OTUD3: variants seen among roughly 807,000 people sequenced by gnomAD.
The protein encoded by OTUD3 is OTU deubiquitinase 3, also known as OTU domain-containing protein 3.
OTUD3 carries 24 observed loss-of-function variants against 46.2 expected under a neutral mutation model. The observed-to-expected ratio is 0.52, with a 90% confidence interval of 0.38 to 0.73. OTUD3 has a LOEUF of 0.73. Among genes scored for constraint, OTUD3 ranks in the 30% least tolerant of loss-of-function variants. The pLI is 0.00. For synonymous variants in OTUD3, 189 were observed against 195.4 expected, an observed-to-expected ratio of 0.97 and a Z score of 0.27; for missense variants, 455 against 523.3, an observed-to-expected ratio of 0.87 and a Z score of 1.27.
intron 1 of OTUD3, among the ~76,000 whole-genome samples, chr1:19,889,778 AG>A (rs1431510096): frequency 1.3e-5 from 2 of 152,240 alleles, no homozygotes; most frequent in African/African-American, 2.4e-5. Flanking sequence ...GGAGGCAAGG[AG>A]GAAGTGTCTT....
intron 4 of OTUD3, among the ~76,000 whole-genome samples, chr1:19,903,845 G>A (rs935217371): frequency 7.9e-5 from 12 of 152,210 alleles, no homozygotes; most frequent in Non-Finnish European, 1.8e-4. Flanking sequence ...GGGAACCAGA[G>A]GGAAGTTGTA....
intron 2 of OTUD3, 112 bp from the exon 3 acceptor site, chr1:19,894,256 C>T: frequency 1.7e-6 from 1 of 591,864 alleles, no homozygotes; most frequent in Non-Finnish European, 3.0e-6. Flanking sequence ...ATGGACTTCT[C>T]AGATATATAT....
Position 19,882,417 on chromosome 1 carries a change from C to G in OTUD3, c.-97C>G. On this transcript the variant is annotated 5_prime_UTR_variant, in exon 1 of 8. Coordinates refer to ENST00000375120, the MANE Select transcript of OTUD3 (RefSeq NM_015207.2). ...GTTGCTGCGTAGTCGTCGCCGGGCT[C>G]CGTTGCCCGCGCTGTTTTACCTTCC... 1 of 1,299,072 alleles carries G rather than the reference C, an allele frequency of 7.7e-7. No individual in the cohort carries two copies. Among genetic ancestry groups the G allele is most frequent in the Non-Finnish European group, 9.7e-7 (1 of 1,027,162 alleles). 80.5% of individuals were successfully genotyped at this position (1,299,072 alleles called of 1,614,324 possible). A position where few individuals can be genotyped will look rare whatever the true frequency, so the allele number is the denominator to read the frequency against.
chr1:19,904,826 A>C (rs2045635741), intron 5 of OTUD3, 65 bp from the exon 6 acceptor site: 1 of 768,934 alleles, frequency 1.3e-6, no homozygotes, highest in Non-Finnish European at 2.3e-6. Context: ...ATTGAAGTAG[A>C]GCTAGGCAGA....
In OTUD3 at chr1:19,904,413, C is replaced by A; in HGVS notation, c.738+15C>A. 6.2e-7 allele frequency: 1 copy of A among 1,601,876 alleles called. No homozygotes were observed. Among genetic ancestry groups the A allele is most frequent in the South Asian group, 1.1e-5 (1 of 88,392 alleles). On this transcript the variant is annotated intron_variant, in intron 5 of 7. Coordinates refer to ENST00000375120, the MANE Select transcript of OTUD3 (RefSeq NM_015207.2). ...CTGGATGTTCAGTTAGTATTTCTGT[C>A]TTGCAGGAATGATTTAGAAGCAAGC...
At position 19,896,222 on chromosome 1, in the gene OTUD3, A is replaced by AT. The variant is rs112902268; in HGVS notation, c.484-1310dup. Among the ~76,000 whole-genome samples the AT allele has an allele frequency of 7.1e-3, 1,077 of 151,794 alleles. 13 individuals are homozygous for AT. Among genetic ancestry groups the AT allele is most frequent in the African/African-American group, 0.025 (1,014 of 41,370 alleles). ...ACACCATGGAGATATTGAAACCTACATTTTTTTTCTGGTTATAATTGGAAT... is the reference window on the plus strand; with the variant it reads ...ACACCATGGAGATATTGAAACCTACATTTTTTTTTCTGGTTATAATTGGAAT... On this transcript the variant is annotated intron_variant, in intron 3 of 7. Coordinates refer to ENST00000375120, the MANE Select transcript of OTUD3 (RefSeq NM_015207.2).
Position 19,912,014 on chromosome 1 carries a change from G to A in OTUD3, c.*4268G>A, listed in dbSNP as rs931572967. The A allele has an allele frequency of 2.0e-5, 3 of 152,360 alleles. No individual in the cohort carries two copies. Among genetic ancestry groups the A allele is most frequent in the African/African-American group, 7.2e-5 (3 of 41,450 alleles). The allele number at this position is 152,360 out of a possible 1,614,324, so 9.4% of individuals were successfully genotyped here. A position where few individuals can be genotyped will look rare whatever the true frequency, so the allele number is the denominator to read the frequency against. ...CTGTCCTCGTTAGGACTGTTTTGTG[G>A]TTCCATGAAAATGTTTAGCATCCTT... On this transcript the variant is annotated 3_prime_UTR_variant, in exon 8 of 8. Transcript: ENST00000375120.
chr1:19,912,272 T>C lies in OTUD3; in HGVS notation c.*4526T>C, dbSNP rs2045743185. 1 of 152,356 alleles carries C rather than the reference T, an allele frequency of 6.6e-6. No individual in the cohort carries two copies. Among genetic ancestry groups the C allele is most frequent in the South Asian group, 2.1e-4 (1 of 4,826 alleles). 9.4% of individuals were successfully genotyped at this position (152,356 alleles called of 1,614,324 possible). A position where few individuals can be genotyped will look rare whatever the true frequency, so the allele number is the denominator to read the frequency against. On this transcript the variant is annotated 3_prime_UTR_variant, in exon 8 of 8. Transcript: ENST00000375120. ...GGCTGCCAGCCATCCATGACAATCA[T>C]GTGAGCTCAGCCACAGACCTCAGCT... is the stretch of plus-strand genomic sequence containing the variant.
chr1:19,894,561 C>A, intron 3 of OTUD3, 81 bp downstream of exon 3: 2 of 820,454 alleles, frequency 2.4e-6, no homozygotes, highest in South Asian at 1.8e-5. Context: ...AGGGGCTTGA[C>A]CTGTGAACAT....
intron 4 of OTUD3, among the ~76,000 whole-genome samples, chr1:19,902,910 G>A (rs2045609921): frequency 6.6e-6 from 1 of 151,934 alleles, no homozygotes; most frequent in South Asian, 2.1e-4. Context: ...TCCTTTAGTG[G>A]GAATGAAGAC....
chr1:19,897,479 T>C, intron 3 of OTUD3, 61 bp from the exon 4 acceptor site: 1 of 1,589,752 alleles, frequency 6.3e-7, no homozygotes, highest in Non-Finnish European at 8.6e-7. Context: ...GGTGGGTGTT[T>C]CTCTCCAGAA....
At chr1:19,896,928 G>A (rs754121820) in intron 3 of OTUD3, among the ~76,000 whole-genome samples, 17 of 152,140 alleles carry the variant, frequency 1.1e-4, no homozygotes, top group Non-Finnish European at 2.5e-4. Context: ...ATGTAATTTT[G>A]TTTTGAAGCT....
intron 2 of OTUD3, among the ~76,000 whole-genome samples, chr1:19,891,956 C>T (rs1206348106): frequency 3.3e-5 from 5 of 152,140 alleles, no homozygotes; most frequent in African/African-American, 1.2e-4. Context: ...TAGTGCTGTA[C>T]GAAATGAATT....
intron 1 of OTUD3, among the ~76,000 whole-genome samples, chr1:19,886,860 C>T (rs994306154): frequency 3.3e-5 from 5 of 152,110 alleles, no homozygotes; most frequent in African/African-American, 1.2e-4. Flanking sequence ...GCTCCTAGTC[C>T]GGGAACACAC....
chr1:19,897,504 G>A (rs780597530), intron 3 of OTUD3, 36 bp from the exon 4 acceptor site: 1 of 1,611,286 alleles, frequency 6.2e-7, no homozygotes, highest in African/African-American at 1.3e-5. Flanking sequence ...ATAGTGTTCA[G>A]ATCCTCACTG....
chr1:19,903,735 G>T (rs955042960), intron 4 of OTUD3, among the ~76,000 whole-genome samples: 7 of 152,146 alleles, frequency 4.6e-5, no homozygotes, highest in Non-Finnish European at 7.3e-5. Flanking sequence ...TGGGTGTGGT[G>T]GTATGTACCT....
At position 19,884,817 on chromosome 1, in the gene OTUD3, G is replaced by A. The variant is rs1444147709; in HGVS notation, c.221+2083G>A. On this transcript the variant is annotated intron_variant, in intron 1 of 7. Transcript: ENST00000375120. Reference sequence around the variant, plus strand: ...GACCTTCCCACATCTCCGGTCCCTTGAGTCACACTTTGAGAACAGATGATA... The same window carrying A: ...GACCTTCCCACATCTCCGGTCCCTTAAGTCACACTTTGAGAACAGATGATA... Among the ~76,000 whole-genome samples, 3 of 152,174 alleles carry A rather than the reference G, an allele frequency of 2.0e-5. No individual in the cohort carries two copies. The South Asian group carries it at 6.2e-4, about 32-fold the overall frequency.
intron 4 of OTUD3, among the ~76,000 whole-genome samples, chr1:19,899,175 A>G (rs1483381157): frequency 3.9e-5 from 6 of 152,310 alleles, no homozygotes; most frequent in African/African-American, 1.2e-4. Flanking sequence ...AATGGGATAT[A>G]TAGTCAAAGT....
At chr1:19,893,278 C>G (rs754771831) in intron 2 of OTUD3, among the ~76,000 whole-genome samples, 12 of 152,160 alleles carry the variant, frequency 7.9e-5, no homozygotes, top group Non-Finnish European at 1.5e-4. Context: ...CCCTTAGGTT[C>G]CATAATATGG....
Sources: gnomAD v4.1 joint callset for allele counts (sites outside exome capture counted in the v4.1 genomes callset) on GRCh38, gnomAD v4.1.1 for gene constraint, MANE v1.5 for transcripts, NCBI Gene and HGNC (gene_info 2026-07-23, HGNC 2026-07-21) for gene names.